Variants in MATN4 observed in about 807,000 individuals in gnomAD.
MATN4 encodes the protein matrilin-4.
A neutral mutation model predicts 54.6 loss-of-function variants in MATN4; 40 were observed. The ratio of observed to expected loss-of-function variants is 0.73; its 90% CI spans 0.57 to 0.95. The LOEUF (loss-of-function observed/expected upper bound fraction) is 0.95. Ranked by LOEUF, MATN4 falls within the 40% of genes least tolerant of loss-of-function variation. MATN4 has a pLI of 0.00. For missense variants in MATN4, 810 were observed against 819.1 expected (o/e 0.99, Z 0.13); for synonymous variants, 351 against 345.3 (o/e 1.02, Z -0.18).
chr20:45,300,753 C>G, intron 6 of MATN4, 134 bp downstream of exon 6: 1 of 1,086,682 alleles, frequency 9.2e-7, no homozygotes, highest in Admixed American at 2.3e-5. Flanking sequence ...GGCACACCCT[C>G]CAATGTCACC....
In MATN4 at chr20:45,305,585, C is replaced by A; in HGVS notation, c.-3G>T. 1 of 1,556,754 alleles carries A rather than the reference C, an allele frequency of 6.4e-7. No individual in the cohort carries two copies. Among genetic ancestry groups the A allele is most frequent in the Non-Finnish European group, 8.7e-7 (1 of 1,149,952 alleles). ...GGCCAGCAAAGAAGGCCTCTCATGG[C>A]GCTTGGGGACAGAGAATGGAGGTGT... On this transcript the variant is annotated 5_prime_UTR_variant, in exon 2 of 10. Transcript: ENST00000372756.
At chr20:45,296,261 GA>G (rs11474853) in intron 8 of MATN4, among the ~76,000 whole-genome samples, 67,678 of 118,738 alleles carry the variant, frequency 0.57, 18,462 homozygotes, top group African/African-American at 0.7. Context: ...GAATGACATA[GA>G]AAAAAAAAAT....
In MATN4 at chr20:45,304,613, G is replaced by A. The variant is rs1447111300; in HGVS notation, c.258C>T (p.Phe86=). ...IQYSSQVQSV[F]PLRAFSRRED... ...CGCGGCGAGAGAACGCGCGGAGAGGGAAGACGCTCTGCACTTGACTCGAAT... is the reference window on the plus strand; with the variant it reads ...CGCGGCGAGAGAACGCGCGGAGAGGAAAGACGCTCTGCACTTGACTCGAAT... The change falls in exon 3 of 10, where the codon TTC becomes TTT. Residue 86 remains phenylalanine, a synonymous_variant. Coordinates refer to ENST00000372756, the MANE Select transcript of MATN4 (RefSeq NM_001393530.1). The A allele has an allele frequency of 2.5e-6, 4 of 1,603,040 alleles. No homozygotes were observed. The South Asian group carries it at 3.3e-5, about 13-fold the overall frequency.
chr20:45,308,095 T>C lies in MATN4; in HGVS notation c.-35+80A>G, dbSNP rs201226771. Reference sequence around the variant, plus strand: ...GATAGGGCACCCTAGGCAGCGTCTCTGCTAAAATACACTCGCCTGACCTGG... The same window carrying C: ...GATAGGGCACCCTAGGCAGCGTCTCCGCTAAAATACACTCGCCTGACCTGG... On this transcript the variant is annotated intron_variant, in intron 1 of 9. Coordinates refer to ENST00000372756, the MANE Select transcript of MATN4 (RefSeq NM_001393530.1). 1.2e-4 allele frequency: 171 copies of C among 1,387,044 alleles called. 1 individual carries two copies. The highest frequency in any genetic ancestry group is 7.2e-4 in the Middle Eastern group (4 of 5,592). 85.9% of individuals were successfully genotyped at this position (1,387,044 alleles called of 1,614,324 possible).
intron 8 of MATN4, among the ~76,000 whole-genome samples, chr20:45,296,214 C>CAAAAAAA (rs71181820): frequency 1.7e-4 from 6 of 35,488 alleles, no homozygotes; most frequent in Non-Finnish European, 2.5e-4. Flanking sequence ...GACTCCATCT[C>CAAAAAAA]AAAAAAAAAA....
intron 1 of MATN4, 160 bp downstream of exon 1, chr20:45,308,015 T>C (rs557350520): frequency 1.6e-6 from 1 of 620,260 alleles, no homozygotes; most frequent in Non-Finnish European, 2.9e-6. Flanking sequence ...GCTTTGAGGG[T>C]GGGGGCTCGA....
At position 45,293,622 on chromosome 20, in the gene MATN4, A is replaced by C; in HGVS notation, c.*145T>G. On this transcript the variant is annotated 3_prime_UTR_variant, in exon 10 of 10. Transcript: ENST00000372756. ...GGTCCGGGCGAGGCCAACTCAGCTCAATGCCGGAAGCCCGCCAGCGCCTCC... is the reference window on the plus strand; with the variant it reads ...GGTCCGGGCGAGGCCAACTCAGCTCCATGCCGGAAGCCCGCCAGCGCCTCC... 1.4e-6 allele frequency: 1 copy of C among 715,278 alleles called. No homozygotes were observed. The highest frequency in any genetic ancestry group is 2.2e-6 in the Non-Finnish European group (1 of 458,292). The allele number at this position is 715,278 out of a possible 1,614,324, so 44.3% of individuals were successfully genotyped here. A position where few individuals can be genotyped will look rare whatever the true frequency, so the allele number is the denominator to read the frequency against.
chr20:45,296,404 T>C (rs1600690030), intron 8 of MATN4, among the ~76,000 whole-genome samples: 1 of 152,232 alleles, frequency 6.6e-6, no homozygotes, highest in East Asian at 1.9e-4. Flanking sequence ...CATCTTAGTC[T>C]TATATGTACT....
intron 8 of MATN4, among the ~76,000 whole-genome samples, chr20:45,297,303 A>G (rs1957761039): frequency 6.6e-6 from 1 of 152,034 alleles, no homozygotes; most frequent in African/African-American, 2.4e-5. Flanking sequence ...CATTCCCTGT[A>G]TCACCTAGAG....
chr20:45,308,220 G>A lies in MATN4; in HGVS notation c.-80C>T, dbSNP rs747490348. On this transcript the variant is annotated 5_prime_UTR_variant, in exon 1 of 10. Transcript: ENST00000372756. Reference sequence around the variant, plus strand: ...AGAGATGCAGCTGCAGAGCGAAGCCGACAGGCGGAGCCTCCCGGGCACTTG... The same window carrying A: ...AGAGATGCAGCTGCAGAGCGAAGCCAACAGGCGGAGCCTCCCGGGCACTTG... 87 of 1,613,834 alleles carry A rather than the reference G, an allele frequency of 5.4e-5. No homozygotes were observed. The highest frequency in any genetic ancestry group is 7.7e-5 in the South Asian group (7 of 91,078).
intron 8 of MATN4, among the ~76,000 whole-genome samples, chr20:45,297,572 A>C (rs1343354017): frequency 1.3e-5 from 2 of 152,144 alleles, no homozygotes; most frequent in Non-Finnish European, 2.9e-5. Flanking sequence ...GTGTGCCTTC[A>C]AAAAAATTTC....
At chr20:45,307,281 A>G (rs1249219158) in intron 1 of MATN4, among the ~76,000 whole-genome samples, 1 of 152,036 alleles carries the variant, frequency 6.6e-6, no homozygotes, top group South Asian at 2.1e-4. Flanking sequence ...CCGCCCCCCA[A>G]TTCCGTGAAT....
chr20:45,296,502 A>G (rs1228554788), intron 8 of MATN4, among the ~76,000 whole-genome samples: 1 of 152,192 alleles, frequency 6.6e-6, no homozygotes, highest in Non-Finnish European at 1.5e-5. Context: ...GAACAGTCAT[A>G]CCACCAATTG....
rs763095983 is a variant in MATN4 at position 45,298,225 on chromosome 20, C to T, written c.1371G>A (p.Thr457=). Residue 457 remains threonine, a synonymous_variant, in exon 7 of 10, where the codon ACG becomes ACA. Transcript: ENST00000372756. The surrounding 1 kb of genome is among the most constrained non-coding windows in gnomAD (Gnocchi z 4.6). Reference sequence around the variant, plus strand: ...AGATGTCATCCTGGGAGCGGCCATCCGTGAAGACCAGGCCAACACGAGGCA... The same window carrying T: ...AGATGTCATCCTGGGAGCGGCCATCTGTGAAGACCAGGCCAACACGAGGCA... ...LNVPRVGLVF[T]DGRSQDDISV... is the part of the protein sequence containing the mutation. 1 of 1,606,898 alleles carries T rather than the reference C, an allele frequency of 6.2e-7. No individual in the cohort carries two copies. The highest frequency in any genetic ancestry group is 8.5e-7 in the Non-Finnish European group (1 of 1,174,880).
Position 45,305,590 on chromosome 20 carries a change from G to C in MATN4, c.-8C>G. The C allele has an allele frequency of 6.4e-7, 1 of 1,555,572 alleles. No homozygotes were observed. Among genetic ancestry groups the C allele is most frequent in the Non-Finnish European group, 8.7e-7 (1 of 1,148,940 alleles). On this transcript the variant is annotated 5_prime_UTR_variant, in exon 2 of 10. Coordinates refer to ENST00000372756, the MANE Select transcript of MATN4 (RefSeq NM_001393530.1). The stretch of plus-strand genomic sequence containing the variant: ...GCAAAGAAGGCCTCTCATGGCGCTT[G>C]GGGACAGAGAATGGAGGTGTCAGAG...
chr20:45,296,967 T>C (rs2145643096), intron 8 of MATN4, among the ~76,000 whole-genome samples: 1 of 151,938 alleles, frequency 6.6e-6, no homozygotes, highest in Non-Finnish European at 1.5e-5. Context: ...GCAATTCTCC[T>C]GCCTCAGTGC....
chr20:45,300,792 C>G, intron 6 of MATN4, 95 bp downstream of exon 6: 1 of 1,498,378 alleles, frequency 6.7e-7, no homozygotes, highest in South Asian at 1.2e-5. Context: ...ATTCACACCA[C>G]AGCCTAGGGG....
chr20:45,298,107 C>G lies in MATN4; in HGVS notation c.1427-37G>C. ...GGGTCTCAGAGGGTGCCCCAGGCCT[C>G]GGGAAAGCTGCCTCCCAGCGTCTGA... On this transcript the variant is annotated intron_variant, in intron 7 of 9. Coordinates refer to ENST00000372756, the MANE Select transcript of MATN4 (RefSeq NM_001393530.1). The surrounding 1 kb of genome is among the most constrained non-coding windows in gnomAD (Gnocchi z 4.6). 1 of 1,604,216 alleles carries G rather than the reference C, an allele frequency of 6.2e-7. No individual in the cohort carries two copies. Among genetic ancestry groups the G allele is most frequent in the Non-Finnish European group, 8.5e-7 (1 of 1,172,936 alleles).
At position 45,301,431 on chromosome 20, in the gene MATN4, C is replaced by T. The variant is rs1366379969; in HGVS notation, c.656G>A (p.Cys219Tyr). The T allele has an allele frequency of 3.1e-6, 5 of 1,613,728 alleles. No homozygotes were observed. Among genetic ancestry groups the T allele is most frequent in the Admixed American group, 1.7e-5 (1 of 59,994 alleles). The change falls in exon 4 of 10, where the codon TGT becomes TAT. Residue 219 changes from cysteine (C) to tyrosine (Y), a missense_variant. Transcript: ENST00000372756. The stretch of plus-strand genomic sequence containing the variant: ...CTCACATCCATGGGTCCCTTCAGCA[C>T]ACAGATCAATGGCTGAGGAAGAAAT... ...FQSRLCAIDL[C>Y]AEGTHGCEHH...
Sources: allele counts gnomAD v4.1 joint callset (sites outside exome capture counted in the v4.1 genomes callset), GRCh38; gene constraint gnomAD v4.1.1; non-coding constraint Gnocchi (gnomAD v3.1); transcripts MANE v1.5; gene names NCBI Gene and HGNC (gene_info 2026-07-23, HGNC 2026-07-21).